FOXP1: variants seen among roughly 807,000 people sequenced by gnomAD.
The protein encoded by FOXP1 is forkhead box P1.
Under a neutral mutation model 98.2 loss-of-function variants are expected in FOXP1, and 15 were observed. That is an observed-to-expected ratio of 0.15 (90% confidence interval 0.10 to 0.24). The LOEUF (loss-of-function observed/expected upper bound fraction) is 0.24. FOXP1 is among the 10% of genes least tolerant of loss of function. The probability of loss-of-function intolerance (pLI) is 1.00; values close to 1 mark genes in which losing one functional copy is unlikely to be tolerated. For synonymous variants in FOXP1, 371 were observed against 314.5 expected (o/e 1.18, Z -1.90); for missense variants, 633 against 848.5 (o/e 0.75, Z 3.15).
chr3:71,054,906 T>C (rs960720531), intron 7 of FOXP1, among the ~76,000 whole-genome samples: 3 of 152,178 alleles, frequency 2.0e-5, no homozygotes, highest in Non-Finnish European at 4.4e-5. Flanking sequence ...TTAAAAAGGA[T>C]ATGCTGTCAT....
chr3:71,377,147 G>T (rs2079781284), intron 3 of FOXP1, among the ~76,000 whole-genome samples: 1 of 152,150 alleles, frequency 6.6e-6, no homozygotes, highest in Non-Finnish European at 1.5e-5. Flanking sequence ...ACTCACTGAT[G>T]CGAAGGTACC....
At chr3:71,240,990 C>T (rs2067228291) in intron 5 of FOXP1, among the ~76,000 whole-genome samples, 1 of 151,566 alleles carries the variant, frequency 6.6e-6, no homozygotes, top group African/African-American at 2.4e-5. Context: ...GCGGGCGGAT[C>T]ACGAGGTCAG....
chr3:71,175,312 TA>T (rs747351152), intron 6 of FOXP1, among the ~76,000 whole-genome samples: 22 of 152,230 alleles, frequency 1.4e-4, no homozygotes, highest in Non-Finnish European at 2.9e-4. Flanking sequence ...GAGCTTGACT[TA>T]CTTCTTTGGC....
At position 70,996,536 on chromosome 3, in the gene FOXP1, T is replaced by A. The variant is rs1330173724; in HGVS notation, c.1062+4436A>T. Among the ~76,000 whole-genome samples, 3 of 152,198 alleles carry A rather than the reference T, an allele frequency of 2.0e-5. No homozygotes were observed. The South Asian group carries it at 6.2e-4, about 32-fold the overall frequency. ...TAGTTATTTTGGAAAAATTGCATCT[T>A]TTTCTTTAGGGAGGTTTGTCTGATA... On this transcript the variant is annotated intron_variant, in intron 13 of 20. Transcript: ENST00000649528.
intron 19 of FOXP1, among the ~76,000 whole-genome samples, chr3:70,967,700 G>GTTGTTTTTTTTTTTTT (rs2035202316): frequency 3.1e-5 from 2 of 63,628 alleles, no homozygotes; most frequent in Non-Finnish European, 6.3e-5. Context: ...TTTTTTTTTT[G>GTTGTTTTTTTTTTTTT]TTTTTTTTTG....
At chr3:71,315,869 G>A (rs2075045704) in intron 4 of FOXP1, among the ~76,000 whole-genome samples, 1 of 152,210 alleles carries the variant, frequency 6.6e-6, no homozygotes, top group Admixed American at 6.5e-5. Flanking sequence ...ACTTGAACAA[G>A]CTTTACTTTC....
At chr3:71,426,880 G>A (rs1289617062) in intron 3 of FOXP1, among the ~76,000 whole-genome samples, 2 of 151,980 alleles carry the variant, frequency 1.3e-5, no homozygotes, top group Non-Finnish European at 2.9e-5. Context: ...GACCAACATG[G>A]TGAAACCCCA....
At chr3:71,158,865 G>C (rs544290633) in intron 6 of FOXP1, among the ~76,000 whole-genome samples, 1 of 152,030 alleles carries the variant, frequency 6.6e-6, no homozygotes, top group African/African-American at 2.4e-5. Context: ...CAGCACTTTG[G>C]GGGGCCAAGG....
intron 4 of FOXP1, among the ~76,000 whole-genome samples, chr3:71,352,690 TACAG>T (rs2077877765): frequency 6.6e-6 from 1 of 152,156 alleles, no homozygotes; most frequent in African/African-American, 2.4e-5. Flanking sequence ...ATGTCTGGCA[TACAG>T]ACAGTAAAGG....
Position 71,504,178 on chromosome 3 carries a change from C to A in FOXP1, c.-297-10623G>T, listed in dbSNP as rs377456127. Among the ~76,000 whole-genome samples, 6 of 151,792 alleles carry A rather than the reference C, an allele frequency of 4.0e-5. No individual in the cohort carries two copies. The East Asian group carries it at 9.7e-4, about 24-fold the overall frequency. The stretch of plus-strand genomic sequence containing the variant: ...TATGTCATAATTTTATGCCTCAAAT[C>A]GAAAAAAACACTTTGGGGGATAACC... On this transcript the variant is annotated intron_variant, in intron 2 of 20. Transcript: ENST00000649528.
chr3:71,262,456 A>G (rs1472048763), intron 5 of FOXP1, among the ~76,000 whole-genome samples: 1 of 152,092 alleles, frequency 6.6e-6, no homozygotes, highest in African/African-American at 2.4e-5. Context: ...TAAATAAGCA[A>G]TAGAATTTTT....
chr3:71,221,161 C>G (rs1336924110), intron 5 of FOXP1, among the ~76,000 whole-genome samples: 3 of 152,168 alleles, frequency 2.0e-5, no homozygotes, highest in Admixed American at 6.5e-5. Flanking sequence ...CCTGTTGGAT[C>G]AGCAGCTGCA....
chr3:71,517,193 C>CAAA (rs373133762), intron 2 of FOXP1, among the ~76,000 whole-genome samples: 1 of 148,336 alleles, frequency 6.7e-6, no homozygotes, highest in African/African-American at 2.5e-5. Flanking sequence ...GGTGATCTAT[C>CAAA]AAAAAAAAAA....
chr3:71,380,441 G>A (rs1377964074), intron 3 of FOXP1, among the ~76,000 whole-genome samples: 1 of 152,222 alleles, frequency 6.6e-6, no homozygotes, highest in African/African-American at 2.4e-5. Flanking sequence ...CATGAGCCTA[G>A]GCCAAAGGCT....
rs1175496823 is a variant in FOXP1, at chr3:70,955,172, A to G, written c.*4075T>C. The G allele has an allele frequency of 4.3e-6, 1 of 232,454 alleles. No individual in the cohort carries two copies. Among genetic ancestry groups the G allele is most frequent in the Non-Finnish European group, 8.5e-6 (1 of 117,602 alleles). 14.4% of individuals were successfully genotyped at this position (232,454 alleles called of 1,614,324 possible). On this transcript the variant is annotated 3_prime_UTR_variant, in exon 21 of 21. Transcript: ENST00000649528. ...CTCTTCTTTGTGCCTTTGGAAACGG[A>G]GTTCAGCTGGAATATGGAAAAGAGA...
At chr3:71,174,958 G>T (rs1438647184) in intron 6 of FOXP1, among the ~76,000 whole-genome samples, 2 of 149,850 alleles carry the variant, frequency 1.3e-5, no homozygotes, top group Non-Finnish European at 3.0e-5. Context: ...TTGTTGCCCA[G>T]ACTGGAGAGC....
At chr3:71,002,483 G>C (rs2042241860) in intron 12 of FOXP1, among the ~76,000 whole-genome samples, 1 of 152,288 alleles carries the variant, frequency 6.6e-6, no homozygotes, top group African/African-American at 2.4e-5. Context: ...GACCACACAA[G>C]GAAGCCCGAG....
chr3:71,201,660 G>C (rs999451940), intron 5 of FOXP1, among the ~76,000 whole-genome samples: 1 of 151,666 alleles, frequency 6.6e-6, no homozygotes, highest in Non-Finnish European at 1.5e-5. Context: ...AAAAAAAAAA[G>C]AATTATAGGA....
chr3:71,433,213 A>C (rs2084897392), intron 3 of FOXP1, among the ~76,000 whole-genome samples: 1 of 152,220 alleles, frequency 6.6e-6, no homozygotes, highest in Admixed American at 6.5e-5. Context: ...TCATGTCATG[A>C]ACTATTGACA....
Sources: gnomAD v4.1 joint callset for allele counts (sites outside exome capture counted in the v4.1 genomes callset) on GRCh38, gnomAD v4.1.1 for gene constraint, MANE v1.5 for transcripts, NCBI Gene and HGNC (gene_info 2026-07-23, HGNC 2026-07-21) for gene names.